Variants in RPAP2 observed in about 807,000 individuals in gnomAD.
The protein encoded by RPAP2 is RNA polymerase II associated protein 2.
In RPAP2, 52 loss-of-function variants were observed where a neutral mutation model predicts 73.1. That is an observed-to-expected ratio of 0.71 (90% CI 0.57 to 0.90). The LOEUF is 0.90. RPAP2 is among the 40% of genes least tolerant of loss of function. The pLI, the probability that RPAP2 is intolerant of heterozygous loss-of-function variation, is 0.00. For synonymous variants in RPAP2, 225 were observed against 242.1 expected (o/e 0.93, Z 0.65); for missense variants, 598 against 701.8 (o/e 0.85, Z 1.67).
chr1:92,364,655 A>G (rs1451400778), intron 11 of RPAP2, among the ~76,000 whole-genome samples: 2 of 152,060 alleles, frequency 1.3e-5, no homozygotes, highest in East Asian at 1.9e-4. Flanking sequence ...TTTATCTCTC[A>G]TATCTAATCA....
chr1:92,324,243 AG>A lies in RPAP2; in HGVS notation c.1324del (p.Ala442ProfsTer11). 6.2e-7 allele frequency: 1 copy of A among 1,614,110 alleles called. No homozygotes were observed. The highest frequency in any genetic ancestry group is 8.5e-7 in the Non-Finnish European group (1 of 1,179,982). ...ESLPFRGSGT[A>X]IKPLPSYENL... is the part of the protein sequence containing the mutation. Reference sequence around the variant, plus strand: ...CTTTACCTTTTAGGGGCTCAGGTACAGCCATTAAACCACTGCCAAGTTACGA... The same window carrying A: ...CTTTACCTTTTAGGGGCTCAGGTACACCATTAAACCACTGCCAAGTTACGA... On this transcript the variant is annotated frameshift_variant, in exon 8 of 13. Coordinates refer to ENST00000610020, the MANE Select transcript of RPAP2 (RefSeq NM_024813.3). LOFTEE classifies it high-confidence loss of function.
rs373636108 is a variant in RPAP2 at position 92,312,884 on chromosome 1, C to T, written c.488+5608C>T. On this transcript the variant is annotated intron_variant, in intron 6 of 12. Transcript: ENST00000610020. The stretch of plus-strand genomic sequence containing the variant: ...TCACCCAGGCTGGAGTGCAGTGGCG[C>T]GATCTTGGCTCACTACAACCTCTGC... 1.6e-4 allele frequency among the ~76,000 whole-genome samples: 25 copies of T among 151,580 alleles called. No individual in the cohort carries two copies. In the East Asian group the frequency reaches 1.7e-3, roughly 11 times the overall value.
intron 9 of RPAP2, among the ~76,000 whole-genome samples, chr1:92,335,032 A>G (rs1245214371): frequency 1.3e-5 from 2 of 152,040 alleles, no homozygotes; most frequent in Non-Finnish European, 2.9e-5. Context: ...TTGTGGGGCT[A>G]CTACTCAGGA....
intron 8 of RPAP2, among the ~76,000 whole-genome samples, chr1:92,326,157 A>G (rs1652611437): frequency 6.6e-6 from 1 of 151,652 alleles, no homozygotes; most frequent in African/African-American, 2.4e-5. Context: ...ACTATATGGG[A>G]GTTTCCTTGA....
At chr1:92,379,091 C>G (rs1655508367) in intron 11 of RPAP2, among the ~76,000 whole-genome samples, 1 of 152,214 alleles carries the variant, frequency 6.6e-6, no homozygotes, top group African/African-American at 2.4e-5. Flanking sequence ...CAAAATTTCC[C>G]TTTTACTTCT....
chr1:92,385,019 C>T (rs1001831262), intron 12 of RPAP2, among the ~76,000 whole-genome samples: 4 of 151,398 alleles, frequency 2.6e-5, no homozygotes, highest in African/African-American at 4.9e-5. Flanking sequence ...AAAAATTAGT[C>T]AGATATGGTT....
rs143612514 is a variant in RPAP2, at chr1:92,357,449, A to G, written c.1688+11535A>G. ...AGGATTTCAAGAAATAGAACAGATG[A>G]GAGTATTCTAGGAAGTACCTATAGC... On this transcript the variant is annotated intron_variant, in intron 11 of 12. Transcript: ENST00000610020. Among the ~76,000 whole-genome samples the G allele has an allele frequency of 5.9e-5, 9 of 152,368 alleles. No homozygotes were observed. In the East Asian group the frequency reaches 1.7e-3, roughly 29 times the overall value.
intron 11 of RPAP2, among the ~76,000 whole-genome samples, chr1:92,370,432 G>T (rs12092747): frequency 0.038 from 5,783 of 152,120 alleles, 397 homozygotes; most frequent in African/African-American, 0.13. Context: ...AGAATATGAA[G>T]GAATAACTTC....
At chr1:92,334,966 C>T (rs559930772) in intron 9 of RPAP2, among the ~76,000 whole-genome samples, 1 of 151,946 alleles carries the variant, frequency 6.6e-6, no homozygotes, top group African/African-American at 2.4e-5. Flanking sequence ...CCAGCCTGAG[C>T]AACAGAGTGA....
intron 5 of RPAP2, among the ~76,000 whole-genome samples, chr1:92,304,900 C>A (rs1012621408): frequency 2.0e-5 from 3 of 152,060 alleles, no homozygotes; most frequent in African/African-American, 7.2e-5. Context: ...CTTTGGGAGG[C>A]CAAGGGGGGC....
At chr1:92,353,472 G>A (rs1051355385) in intron 11 of RPAP2, among the ~76,000 whole-genome samples, 1 of 152,084 alleles carries the variant, frequency 6.6e-6, no homozygotes, top group Admixed American at 6.5e-5. Context: ...AATTTCTTAT[G>A]TTTTAGGAAT....
chr1:92,324,293 AG>A lies in RPAP2; in HGVS notation c.1374del (p.Lys458AsnfsTer2). On this transcript the variant is annotated frameshift_variant, in exon 8 of 13. Transcript: ENST00000610020. LOFTEE classifies it high-confidence loss of function. ...GAGAATTTGAAAAAAGAAACTGAAA[AG>A]TTAAATCTGAGGATCAGGGAGTTTT... ...SYENLKKETE[K>X]LNLRIREFYR... The A allele has an allele frequency of 6.2e-7, 1 of 1,614,072 alleles. No homozygotes were observed.
At chr1:92,303,329 A>C (rs1650991939) in intron 3 of RPAP2, among the ~76,000 whole-genome samples, 1 of 152,190 alleles carries the variant, frequency 6.6e-6, no homozygotes, top group East Asian at 1.9e-4. Context: ...ATCACTCTCA[A>C]TAAAAAGTAT....
At chr1:92,382,541 TG>T (rs1294077541) in intron 12 of RPAP2, among the ~76,000 whole-genome samples, 1 of 152,222 alleles carries the variant, frequency 6.6e-6, no homozygotes, top group Non-Finnish European at 1.5e-5. Context: ...CATTTTTTCA[TG>T]TGTCTTTTGG....
rs1205191794 is a variant in RPAP2, at chr1:92,389,732, G to A, written c.*2721G>A. The A allele has an allele frequency of 6.6e-6, 1 of 152,122 alleles. No individual in the cohort carries two copies. The highest frequency in any genetic ancestry group is 1.5e-5 in the Non-Finnish European group (1 of 68,040). The allele number at this position is 152,122 out of a possible 1,614,324, so 9.4% of individuals were successfully genotyped here. A position where few individuals can be genotyped will look rare whatever the true frequency, so the allele number is the denominator to read the frequency against. ...GATGGAGCTGAAAACCACAGTACGG[G>A]AACTTCGTGAAGCATACACAAGCTT... On this transcript the variant is annotated 3_prime_UTR_variant, in exon 13 of 13. Coordinates refer to ENST00000610020, the MANE Select transcript of RPAP2 (RefSeq NM_024813.3).
rs964462494 is a variant in RPAP2 at position 92,394,749 on chromosome 1, G to A, written c.*7738G>A. On this transcript the variant is annotated 3_prime_UTR_variant, in exon 13 of 13. Transcript: ENST00000610020. ...GAATTGGAAGATCAAATGTTGTTAA[G>A]ATAGCAGTTCTCCCCAAATTAATCT... 3.3e-5 allele frequency: 5 copies of A among 152,220 alleles called. No homozygotes were observed. The highest frequency in any genetic ancestry group is 1.2e-4 in the African/African-American group (5 of 41,456). 9.4% of individuals were successfully genotyped at this position (152,220 alleles called of 1,614,324 possible). A position where few individuals can be genotyped will look rare whatever the true frequency, so the allele number is the denominator to read the frequency against.
intron 9 of RPAP2, among the ~76,000 whole-genome samples, chr1:92,333,963 G>A (rs1653124341): frequency 6.6e-6 from 1 of 152,104 alleles, no homozygotes; most frequent in Admixed American, 6.6e-5. Context: ...TTCCCGTGGT[G>A]GAAATTATTG....
intron 11 of RPAP2, among the ~76,000 whole-genome samples, chr1:92,361,795 T>G (rs1654747055): frequency 6.6e-6 from 1 of 152,248 alleles, no homozygotes. Flanking sequence ...AAAATGTTTC[T>G]TTGATTCAAA....
chr1:92,356,604 T>TC (rs1654477774), intron 11 of RPAP2, among the ~76,000 whole-genome samples: 13 of 147,558 alleles, frequency 8.8e-5, no homozygotes, highest in Non-Finnish European at 1.3e-4. Flanking sequence ...TTTTTTTTTT[T>TC]CTGTATTTTT....
Sources: allele counts gnomAD v4.1 joint callset (sites outside exome capture counted in the v4.1 genomes callset), GRCh38; gene constraint gnomAD v4.1.1; transcripts MANE v1.5; gene names NCBI Gene and HGNC (gene_info 2026-07-23, HGNC 2026-07-21).